Variants in OSBPL10 observed in about 807,000 individuals in gnomAD.
The protein encoded by OSBPL10 is oxysterol-binding protein-related protein 10.
OSBPL10 carries 49 observed loss-of-function variants against 81.7 expected under a neutral mutation model. That is an observed-to-expected ratio of 0.60 (90% CI 0.48 to 0.76). The LOEUF is 0.76. Ranked by LOEUF, OSBPL10 falls within the 30% of genes least tolerant of loss-of-function variation. OSBPL10 has a pLI of 0.00. For missense variants in OSBPL10, 923 were observed against 987.8 expected (o/e 0.93, Z 0.88); for synonymous variants, 419 against 383.6 (o/e 1.09, Z -1.08).
chr3:32,015,014 T>C (rs1434710383), intron 2 of OSBPL10, among the ~76,000 whole-genome samples: 4 of 152,288 alleles, frequency 2.6e-5, no homozygotes, highest in African/African-American at 7.2e-5. Context: ...AAAATGGCCA[T>C]ACTGCCCAAG....
chr3:31,876,601 G>C, intron 2 of OSBPL10, 89 bp from the exon 3 acceptor site: 1 of 1,055,432 alleles, frequency 9.5e-7, no homozygotes, highest in African/African-American at 1.6e-5. Flanking sequence ...AAGGGGGTGG[G>C]GAGCCTGGGG....
intron 2 of OSBPL10, among the ~76,000 whole-genome samples, chr3:32,005,553 G>T (rs1446443702): frequency 1.3e-5 from 2 of 152,056 alleles, no homozygotes; most frequent in African/African-American, 4.8e-5. Flanking sequence ...ACTCAAACTT[G>T]GTATTGTCTG....
intron 1 of OSBPL10, among the ~76,000 whole-genome samples, chr3:31,940,334 T>C (rs1697499149): frequency 6.6e-6 from 1 of 152,182 alleles, no homozygotes; most frequent in Non-Finnish European, 1.5e-5. Context: ...GAACACCTAC[T>C]ACGTAACATC....
At chr3:31,812,805 A>AGAAG (rs1699736488) in intron 4 of OSBPL10, among the ~76,000 whole-genome samples, 1 of 57,304 alleles carries the variant, frequency 1.7e-5, no homozygotes, top group Non-Finnish European at 3.4e-5. Context: ...AAAGAAAGAA[A>AGAAG]GAAAGAAAGA....
intron 3 of OSBPL10, among the ~76,000 whole-genome samples, chr3:31,848,202 C>T (rs779378030): frequency 3.9e-5 from 6 of 152,068 alleles, no homozygotes; most frequent in East Asian, 2.0e-4. Flanking sequence ...CTATATACTC[C>T]GGCACAACCC....
intron 4 of OSBPL10, among the ~76,000 whole-genome samples, chr3:31,765,040 C>T (rs560670990): frequency 6.6e-6 from 1 of 151,800 alleles, no homozygotes; most frequent in Admixed American, 6.6e-5. Flanking sequence ...TTTCTGGAGA[C>T]AGGGTCTTGC....
chr3:31,964,048 G>A (rs1214304221), intron 1 of OSBPL10, among the ~76,000 whole-genome samples: 1 of 152,096 alleles, frequency 6.6e-6, no homozygotes, highest in Non-Finnish European at 1.5e-5. Flanking sequence ...GGGAGACACA[G>A]GTAAATCTCC....
intron 1 of OSBPL10, among the ~76,000 whole-genome samples, chr3:31,908,823 G>A (rs944353606): frequency 5.3e-5 from 8 of 152,212 alleles, no homozygotes; most frequent in Admixed American, 1.3e-4. Flanking sequence ...TTCAGGCAAT[G>A]AGATGGAAAG....
chr3:32,043,063 G>T (rs571278531), intron 2 of OSBPL10, among the ~76,000 whole-genome samples: 1 of 152,048 alleles, frequency 6.6e-6, no homozygotes, highest in Non-Finnish European at 1.5e-5. Context: ...TTTCCCCACC[G>T]TAGTAAGTCT....
chr3:31,676,637 C>T (rs927140022), intron 8 of OSBPL10, among the ~76,000 whole-genome samples: 13 of 152,222 alleles, frequency 8.5e-5, no homozygotes, highest in Non-Finnish European at 1.5e-4. Flanking sequence ...TTTGCAGACC[C>T]GGCAGCATTG....
chr3:31,744,243 A>T (rs1373540256), intron 5 of OSBPL10, among the ~76,000 whole-genome samples: 2 of 152,188 alleles, frequency 1.3e-5, no homozygotes, highest in African/African-American at 4.8e-5. Flanking sequence ...ACAGTCCAAA[A>T]GAAGGAGAGT....
chr3:31,771,140 G>A (rs573460571), intron 4 of OSBPL10, among the ~76,000 whole-genome samples: 1 of 152,324 alleles, frequency 6.6e-6, no homozygotes, highest in African/African-American at 2.4e-5. Flanking sequence ...TGTTACGTAA[G>A]TGTTTGTGTC....
At chr3:31,769,285 A>G (rs1429624660) in intron 4 of OSBPL10, among the ~76,000 whole-genome samples, 2 of 151,624 alleles carry the variant, frequency 1.3e-5, no homozygotes, top group African/African-American at 4.8e-5. Flanking sequence ...TCTACTAAAA[A>G]ACACAAAAAA....
At chr3:31,771,632 CCT>C (rs1180103068) in intron 4 of OSBPL10, among the ~76,000 whole-genome samples, 1 of 152,142 alleles carries the variant, frequency 6.6e-6, no homozygotes, top group Non-Finnish European at 1.5e-5. Context: ...GGTAATCACC[CCT>C]GTCACCTGGA....
chr3:31,812,373 C>T (rs1211867887), intron 4 of OSBPL10, among the ~76,000 whole-genome samples: 1 of 152,190 alleles, frequency 6.6e-6, no homozygotes, highest in Non-Finnish European at 1.5e-5. Flanking sequence ...ACCTGGTTAA[C>T]GTCCCCTAGG....
rs147258385 is a variant in OSBPL10 at position 31,888,455 on chromosome 3, G to A, written c.282-8625C>T. On this transcript the variant is annotated intron_variant, in intron 1 of 11. Transcript: ENST00000396556. ...GACCTCAAAAGCACAGGAAGCCAAA[G>A]CAAAAATAAACAAATGTGATCACAT... 4.0e-3 allele frequency among the ~76,000 whole-genome samples: 611 copies of A among 152,204 alleles called. 6 individuals carry two copies. The highest frequency in any genetic ancestry group is 0.014 in the African/African-American group (582 of 41,528).
chr3:31,729,592 T>G (rs1178239303), intron 6 of OSBPL10, among the ~76,000 whole-genome samples: 3 of 152,150 alleles, frequency 2.0e-5, no homozygotes, highest in African/African-American at 7.2e-5. Context: ...AGCTCATTTT[T>G]GTATTTTTAA....
chr3:31,975,160 A>C (rs1280510123), intron 1 of OSBPL10, among the ~76,000 whole-genome samples: 8 of 152,206 alleles, frequency 5.3e-5, no homozygotes, highest in African/African-American at 1.9e-4. Context: ...GTGAATAAAC[A>C]ATATTATACA....
chr3:31,690,662 T>C (rs181872549), intron 7 of OSBPL10, among the ~76,000 whole-genome samples: 2 of 152,338 alleles, frequency 1.3e-5, no homozygotes, highest in Non-Finnish European at 2.9e-5. Flanking sequence ...TATTCTGTAC[T>C]TTAAAATGAC....
Sources: gnomAD v4.1 joint callset for allele counts (sites outside exome capture counted in the v4.1 genomes callset) on GRCh38, gnomAD v4.1.1 for gene constraint, MANE v1.5 for transcripts, NCBI Gene and HGNC (gene_info 2026-07-23, HGNC 2026-07-21) for gene names.